Variants in KCTD8 observed in about 807,000 individuals in gnomAD.
The protein encoded by KCTD8 is BTB/POZ domain-containing protein KCTD8.
KCTD8 carries 27 observed loss-of-function variants against 31.5 expected under a neutral mutation model. The ratio of observed to expected loss-of-function variants is 0.86; its 90% CI spans 0.63 to 1.18. The LOEUF (loss-of-function observed/expected upper bound fraction) is 1.18, where lower values mean the gene tolerates loss of function less well. KCTD8 is among the 50% of genes most tolerant of loss of function. The probability of loss-of-function intolerance (pLI) is 0.00; values close to 1 mark genes in which losing one functional copy is unlikely to be tolerated. For missense variants in KCTD8, 658 were observed against 647.7 expected (o/e 1.02, Z -0.17); for synonymous variants, 290 against 280.0 (o/e 1.04, Z -0.36).
intron 1 of KCTD8, among the ~76,000 whole-genome samples, chr4:44,318,597 T>C (rs949803227): frequency 3.9e-5 from 6 of 152,168 alleles, no homozygotes; most frequent in African/African-American, 1.2e-4. Context: ...AAGGATGTCA[T>C]TGGATACCTT....
chr4:44,355,453 C>A (rs1320488090), intron 1 of KCTD8, among the ~76,000 whole-genome samples: 1 of 152,078 alleles, frequency 6.6e-6, no homozygotes, highest in Non-Finnish European at 1.5e-5. Flanking sequence ...GTTTTAGTAA[C>A]TCCAACCCAT....
At chr4:44,420,198 T>C (rs920389230) in intron 1 of KCTD8, among the ~76,000 whole-genome samples, 2 of 150,888 alleles carry the variant, frequency 1.3e-5, no homozygotes, top group African/African-American at 2.4e-5. Context: ...CACTTAGAGA[T>C]AGAGACAATG....
At chr4:44,347,666 CTAA>C (rs1438698727) in intron 1 of KCTD8, among the ~76,000 whole-genome samples, 2 of 152,056 alleles carry the variant, frequency 1.3e-5, no homozygotes, top group African/African-American at 2.4e-5. Flanking sequence ...CTCAATATAA[CTAA>C]TGAGAAAATT....
intron 1 of KCTD8, among the ~76,000 whole-genome samples, chr4:44,227,031 C>G (rs993278276): frequency 1.3e-5 from 2 of 152,118 alleles, no homozygotes; most frequent in Non-Finnish European, 2.9e-5. Flanking sequence ...TGTGCAGAAG[C>G]TCTTTAGTTT....
intron 1 of KCTD8, among the ~76,000 whole-genome samples, chr4:44,324,317 T>C (rs1718387027): frequency 6.6e-6 from 1 of 152,018 alleles, no homozygotes; most frequent in African/African-American, 2.4e-5. Flanking sequence ...GATCCTCTCT[T>C]TTCCATACTT....
chr4:44,300,962 C>T (rs1300914131), intron 1 of KCTD8, among the ~76,000 whole-genome samples: 11 of 138,340 alleles, frequency 8.0e-5, no homozygotes, highest in Non-Finnish European at 1.1e-4. Flanking sequence ...TGAGAACATG[C>T]GGTGTTTGGT....
chr4:44,302,509 G>T (rs1206654205), intron 1 of KCTD8, among the ~76,000 whole-genome samples: 1 of 151,872 alleles, frequency 6.6e-6, no homozygotes, highest in Non-Finnish European at 1.5e-5. Context: ...TCATGATTTG[G>T]CTCTCTGTTT....
chr4:44,260,260 A>G (rs991366490), intron 1 of KCTD8, among the ~76,000 whole-genome samples: 3 of 151,888 alleles, frequency 2.0e-5, no homozygotes, highest in African/African-American at 7.2e-5. Context: ...AGGATAGGAA[A>G]GGAGGAGGAA....
At chr4:44,315,247 A>C (rs1443787309) in intron 1 of KCTD8, among the ~76,000 whole-genome samples, 1 of 152,072 alleles carries the variant, frequency 6.6e-6, no homozygotes, top group Non-Finnish European at 1.5e-5. Context: ...TAAAAGAAAG[A>C]AAATTAGCTC....
chr4:44,301,237 T>C (rs1011565314), intron 1 of KCTD8, among the ~76,000 whole-genome samples: 4 of 152,222 alleles, frequency 2.6e-5, no homozygotes, highest in African/African-American at 7.2e-5. Context: ...TACCCAGTAA[T>C]GGGATGGCTG....
At chr4:44,367,264 G>A (rs1652009823) in intron 1 of KCTD8, among the ~76,000 whole-genome samples, 1 of 152,180 alleles carries the variant, frequency 6.6e-6, no homozygotes, top group Non-Finnish European at 1.5e-5. Flanking sequence ...TAAGCCGCAA[G>A]AGTACAAAGA....
chr4:44,174,411 C>CAT lies in KCTD8; in HGVS notation c.*377_*378dup, dbSNP rs1454840356. On this transcript the variant is annotated 3_prime_UTR_variant, in exon 2 of 2. Coordinates refer to ENST00000360029, the MANE Select transcript of KCTD8 (RefSeq NM_198353.3). ...AAATTTTACTTGATGTTGCTTCATC[C>CAT]ATATATCATTTTAGTTGGTATGATA... 6.1e-6 allele frequency: 1 copy of CAT among 162,794 alleles called. No individual in the cohort carries two copies. Among genetic ancestry groups the CAT allele is most frequent in the Non-Finnish European group, 1.3e-5 (1 of 75,230 alleles). 10.1% of individuals were successfully genotyped at this position (162,794 alleles called of 1,614,324 possible). A position where few individuals can be genotyped will look rare whatever the true frequency, so the allele number is the denominator to read the frequency against.
At chr4:44,177,929 C>T (rs1011581300) in intron 1 of KCTD8, among the ~76,000 whole-genome samples, 44 of 152,090 alleles carry the variant, frequency 2.9e-4, no homozygotes, top group African/African-American at 1.1e-3. Flanking sequence ...CTGATAGATC[C>T]ACTCTATCAG....
chr4:44,318,665 T>C (rs1718208337), intron 1 of KCTD8, among the ~76,000 whole-genome samples: 1 of 152,276 alleles, frequency 6.6e-6, no homozygotes, highest in East Asian at 1.9e-4. Flanking sequence ...ACTTAAGGAA[T>C]GGCTGAGATT....
At chr4:44,287,469 A>C (rs1717127022) in intron 1 of KCTD8, among the ~76,000 whole-genome samples, 1 of 152,214 alleles carries the variant, frequency 6.6e-6, no homozygotes. Flanking sequence ...ACATTTCACA[A>C]ATATTTGGCT....
intron 1 of KCTD8, among the ~76,000 whole-genome samples, chr4:44,321,322 A>G (rs1718290857): frequency 1.3e-5 from 2 of 152,206 alleles, no homozygotes; most frequent in Non-Finnish European, 2.9e-5. Context: ...TAACTAATGA[A>G]TTTGCCATGT....
intron 1 of KCTD8, among the ~76,000 whole-genome samples, chr4:44,291,016 A>G (rs1717257136): frequency 6.6e-6 from 1 of 152,108 alleles, no homozygotes; most frequent in Non-Finnish European, 1.5e-5. Flanking sequence ...AGATCAATGA[A>G]ACCTAGAGTT....
intron 1 of KCTD8, among the ~76,000 whole-genome samples, chr4:44,410,936 C>G (rs942510138): frequency 2.0e-5 from 3 of 152,016 alleles, no homozygotes. Flanking sequence ...TGTAAAATAA[C>G]AAGTATTACA....
intron 1 of KCTD8, among the ~76,000 whole-genome samples, chr4:44,281,832 C>T (rs938571614): frequency 6.6e-6 from 1 of 151,882 alleles, no homozygotes; most frequent in African/African-American, 2.4e-5. Flanking sequence ...AACCAGAGGC[C>T]CTCAGCTTTT....
Sources: allele counts gnomAD v4.1 joint callset (sites outside exome capture counted in the v4.1 genomes callset), GRCh38; gene constraint gnomAD v4.1.1; transcripts MANE v1.5; gene names NCBI Gene and HGNC (gene_info 2026-07-23, HGNC 2026-07-21).